The following TMEM132D variants were observed in gnomAD, a reference collection of about 807,000 sequenced individuals.
TMEM132D encodes the protein transmembrane protein 132D, also known as mature OL transmembrane protein.
TMEM132D carries 21 observed loss-of-function variants against 62.3 expected under a neutral mutation model. The observed-to-expected ratio is 0.34, with a 90% CI of 0.24 to 0.49. TMEM132D has a LOEUF of 0.49. Ranked by LOEUF, TMEM132D falls within the 20% of genes least tolerant of loss-of-function variation. The pLI, the probability that TMEM132D is intolerant of heterozygous loss-of-function variation, is 0.99. For synonymous variants in TMEM132D, 621 were observed against 575.6 expected (o/e 1.08, Z -1.13); for missense variants, 1,346 against 1,402.8 (o/e 0.96, Z 0.65).
chr12:129,556,160 C>T (rs751295438), intron 2 of TMEM132D, among the ~76,000 whole-genome samples: 7 of 152,162 alleles, frequency 4.6e-5, no homozygotes, highest in South Asian at 2.1e-4. Context: ...AAGTCAGTCC[C>T]GAGGCAGGTG....
chr12:129,853,528 C>G (rs948003379), intron 1 of TMEM132D: 2 of 152,136 alleles, frequency 1.3e-5, no homozygotes, highest in African/African-American at 2.4e-5. Context: ...AAAGCTTCTT[C>G]CCATATAAAC....
intron 2 of TMEM132D, among the ~76,000 whole-genome samples, chr12:129,577,744 A>T (rs1448594899): frequency 1.3e-5 from 2 of 152,308 alleles, no homozygotes; most frequent in African/African-American, 2.4e-5. Context: ...GTTTATTTTT[A>T]AAAATCTGCA....
Position 129,078,706 on chromosome 12 carries a change from T to C in TMEM132D, c.1943A>G (p.Asp648Gly). 1 of 1,614,100 alleles carries C rather than the reference T, an allele frequency of 6.2e-7. No individual in the cohort carries two copies. Residue 648 changes from aspartate (D) to glycine (G), a missense_variant, in exon 8 of 9, where the codon GAC becomes GGC. Transcript: ENST00000422113. ...GATGGTCTTTTCAGCGAGGATGGTG[T>C]CTGACAGAGGAGACAGGATCTGGAG... ...TTIQILSPLS[D>G]TILAEKTITV... is the part of the protein sequence containing the mutation.
At chr12:129,569,612 G>A (rs371500742) in intron 2 of TMEM132D, among the ~76,000 whole-genome samples, 7 of 152,218 alleles carry the variant, frequency 4.6e-5, no homozygotes, top group South Asian at 2.1e-4. Context: ...TTTTCACAAC[G>A]TAATTTGCAA....
At chr12:129,899,337 ATGGATGATGGATGG>A (rs1332532074) in intron 1 of TMEM132D, among the ~76,000 whole-genome samples, 1 of 127,158 alleles carries the variant, frequency 7.9e-6, no homozygotes, top group Non-Finnish European at 1.6e-5. Context: ...GGATGGATGG[ATGGATGATGGATGG>A]AGGGATGGAT....
intron 3 of TMEM132D, among the ~76,000 whole-genome samples, chr12:129,456,558 T>C (rs1333430920): frequency 2.0e-5 from 3 of 152,156 alleles, no homozygotes. Flanking sequence ...ATGATGCAGG[T>C]AGAATAAAAA....
intron 3 of TMEM132D, among the ~76,000 whole-genome samples, chr12:129,397,620 T>C (rs1871468930): frequency 6.6e-6 from 1 of 152,224 alleles, no homozygotes. Context: ...GAATGGTATC[T>C]TTCTATTTCT....
chr12:129,075,947 C>A (rs1228471386), intron 8 of TMEM132D, among the ~76,000 whole-genome samples: 1 of 151,996 alleles, frequency 6.6e-6, no homozygotes, highest in Non-Finnish European at 1.5e-5. Flanking sequence ...CTCAGAGAAC[C>A]TGCTCCGCCC....
At chr12:129,858,781 C>T (rs866159709) in intron 1 of TMEM132D, among the ~76,000 whole-genome samples, 3 of 89,502 alleles carry the variant, frequency 3.4e-5, no homozygotes, top group Admixed American at 1.0e-4. Context: ...GGATGGGTGC[C>T]CTTGTAACGG....
chr12:129,636,698 ATGTGTGTGTGTGTGTGTG>A (rs542826978), intron 2 of TMEM132D, among the ~76,000 whole-genome samples: 2 of 107,954 alleles, frequency 1.9e-5, no homozygotes, highest in African/African-American at 3.3e-5. Context: ...TCATACAGAA[ATGTGTGTGTGTGTGTGTG>A]TGTGTGTGTG....
At chr12:129,176,878 C>T (rs12424753) in intron 5 of TMEM132D, among the ~76,000 whole-genome samples, 38,660 of 152,154 alleles carry the variant, frequency 0.25, 6,141 homozygotes, top group East Asian at 0.51. Context: ...GTGCCAGGCA[C>T]GGAGGTGTAT....
chr12:129,488,705 A>T (rs1397326069), intron 3 of TMEM132D, among the ~76,000 whole-genome samples: 2 of 151,986 alleles, frequency 1.3e-5, no homozygotes, highest in African/African-American at 4.8e-5. Flanking sequence ...AAAACCAGGT[A>T]TGTTTGGTAT....
chr12:129,816,030 C>T (rs923088211), intron 1 of TMEM132D, among the ~76,000 whole-genome samples: 2 of 152,180 alleles, frequency 1.3e-5, no homozygotes, highest in East Asian at 1.9e-4. Flanking sequence ...GTGTGGAACA[C>T]GCTGGTGACC....
chr12:129,707,943 G>A (rs149902980), intron 1 of TMEM132D, among the ~76,000 whole-genome samples: 44 of 152,250 alleles, frequency 2.9e-4, no homozygotes, highest in Admixed American at 1.9e-3. Context: ...AGGGCCAGGC[G>A]CGGTGGTTCA....
intron 4 of TMEM132D, among the ~76,000 whole-genome samples, chr12:129,305,008 T>G (rs1358121314): frequency 6.6e-6 from 1 of 152,162 alleles, no homozygotes; most frequent in Non-Finnish European, 1.5e-5. Flanking sequence ...AACTACAATA[T>G]CTACAAAACC....
chr12:129,782,480 C>T (rs1871146753), intron 1 of TMEM132D, among the ~76,000 whole-genome samples: 1 of 152,158 alleles, frequency 6.6e-6, no homozygotes, highest in Admixed American at 6.5e-5. Context: ...GCTGATTGTA[C>T]CTGGCTTATG....
At chr12:129,427,668 A>G (rs1201038179) in intron 3 of TMEM132D, among the ~76,000 whole-genome samples, 3 of 152,162 alleles carry the variant, frequency 2.0e-5, no homozygotes, top group African/African-American at 7.2e-5. Flanking sequence ...GTAAAACTAA[A>G]GTGCACTTTA....
At chr12:129,439,717 G>A (rs1365458299) in intron 3 of TMEM132D, among the ~76,000 whole-genome samples, 4 of 152,172 alleles carry the variant, frequency 2.6e-5, no homozygotes, top group Admixed American at 2.0e-4. Flanking sequence ...CCAAAGTGCT[G>A]GGATTACTAC....
chr12:129,813,123 CA>C (rs1355304685), intron 1 of TMEM132D, among the ~76,000 whole-genome samples: 3 of 151,764 alleles, frequency 2.0e-5, no homozygotes, highest in African/African-American at 7.3e-5. Context: ...CTTTTTCATT[CA>C]ATCCATCTGT....
Sources: allele counts gnomAD v4.1 joint callset (sites outside exome capture counted in the v4.1 genomes callset), GRCh38; gene constraint gnomAD v4.1.1; transcripts MANE v1.5; gene names NCBI Gene and HGNC (gene_info 2026-07-23, HGNC 2026-07-21).